FSAF1: variants seen among roughly 807,000 people sequenced by gnomAD.
The protein encoded by FSAF1 is uncharacterized protein C1orf131.
chr1:231,235,322 C>A, the FSAF1 span, among the ~76,000 whole-genome samples: 1 of 152,094 alleles, frequency 6.6e-6, no homozygotes, highest in East Asian at 1.9e-4. Context: ...CATGGTGAAA[C>A]CCCATCTCTA....
the FSAF1 span, chr1:231,238,697 A>G: frequency 6.3e-6 from 4 of 630,504 alleles, no homozygotes; most frequent in African/African-American, 1.8e-5. Flanking sequence ...TACATGACTG[A>G]TAAGGGCTAT....
chr1:231,233,271 C>G, the FSAF1 span, among the ~76,000 whole-genome samples: 2 of 152,246 alleles, frequency 1.3e-5, no homozygotes, highest in South Asian at 4.1e-4. Flanking sequence ...CTCACCTATG[C>G]TCTCTCTAGT....
chr1:231,238,181 CA>C, the FSAF1 span: 133 of 131,682 alleles, frequency 1.0e-3, no homozygotes, highest in Admixed American at 1.7e-3. Context: ...GACTCCGTCT[CA>C]AAAAAAAAAA....
chr1:231,234,375 A>G, the FSAF1 span, among the ~76,000 whole-genome samples: 25 of 152,220 alleles, frequency 1.6e-4, no homozygotes, highest in African/African-American at 5.8e-4. The surrounding 1 kb of genome is among the most constrained non-coding windows in gnomAD (Gnocchi z 4.0). Flanking sequence ...TGAGCAACAC[A>G]CAGGTGTGTT....
At chr1:231,231,966 T>G in the FSAF1 span, among the ~76,000 whole-genome samples, 1 of 152,160 alleles carries the variant, frequency 6.6e-6, no homozygotes, top group South Asian at 2.1e-4. Flanking sequence ...AGAAACATCT[T>G]AGTTTTGTAG....
At chr1:231,227,269 T>A in the FSAF1 span, among the ~76,000 whole-genome samples, 11 of 151,986 alleles carry the variant, frequency 7.2e-5, no homozygotes, top group African/African-American at 2.2e-4. Flanking sequence ...CTTTCTCCTG[T>A]TTTTTTTCCT....
the FSAF1 span, chr1:231,224,438 T>C: frequency 1.3e-6 from 2 of 1,588,802 alleles, no homozygotes; most frequent in Non-Finnish European, 1.7e-6. Context: ...AAGAGAAAGG[T>C]ACTATAAATA....
At chr1:231,240,341 A>T in the FSAF1 span, among the ~76,000 whole-genome samples, 5 of 152,234 alleles carry the variant, frequency 3.3e-5, 1 homozygote, top group African/African-American at 1.2e-4. This position sits in a 1 kb window ranked among gnomAD's most constrained non-coding sequence, Gnocchi z 4.1. Flanking sequence ...AAATTTAAGA[A>T]ATGTGTGTTG....
chr1:231,234,032 T>C, the FSAF1 span, among the ~76,000 whole-genome samples: 1 of 152,204 alleles, frequency 6.6e-6, no homozygotes, highest in Non-Finnish European at 1.5e-5. This position sits in a 1 kb window ranked among gnomAD's most constrained non-coding sequence, Gnocchi z 4.0. Flanking sequence ...CTTGTAAGTC[T>C]CAAGCTTCTC....
At chr1:231,233,469 T>G in the FSAF1 span, among the ~76,000 whole-genome samples, 4 of 152,150 alleles carry the variant, frequency 2.6e-5, no homozygotes, top group Non-Finnish European at 4.4e-5. Flanking sequence ...CCACTTCCAG[T>G]AGGGTCCAAG....
the FSAF1 span, chr1:231,236,790 T>C: frequency 6.6e-6 from 1 of 152,156 alleles, no homozygotes; most frequent in East Asian, 1.9e-4. Flanking sequence ...TCATGACACA[T>C]ACAGAAAATA....
the FSAF1 span, among the ~76,000 whole-genome samples, chr1:231,233,269 T>C: frequency 1.3e-5 from 2 of 152,216 alleles, no homozygotes; most frequent in African/African-American, 2.4e-5. Flanking sequence ...ACCTCACCTA[T>C]GCTCTCTCTA....
At chr1:231,227,023 CT>C in the FSAF1 span, 2 of 1,614,174 alleles carry the variant, frequency 1.2e-6, no homozygotes, top group Non-Finnish European at 1.7e-6. Flanking sequence ...CTCTCCTTTC[CT>C]TTTCCATAAC....
the FSAF1 span, chr1:231,238,983 T>G: frequency 1.2e-6 from 2 of 1,614,140 alleles, no homozygotes; most frequent in Non-Finnish European, 1.7e-6. Flanking sequence ...GGATCTCTGG[T>G]CCTGTGGGGG....
chr1:231,239,957 T>C, the FSAF1 span, among the ~76,000 whole-genome samples: 21 of 152,232 alleles, frequency 1.4e-4, no homozygotes, highest in Admixed American at 3.3e-4. Flanking sequence ...AGTCTTTTCC[T>C]CTAGATTTTA....
chr1:231,235,523 G>A, the FSAF1 span, among the ~76,000 whole-genome samples: 1 of 151,772 alleles, frequency 6.6e-6, no homozygotes, highest in Admixed American at 6.6e-5. Flanking sequence ...CATGATGGCT[G>A]GGCACAGTGG....
the FSAF1 span, among the ~76,000 whole-genome samples, chr1:231,233,346 T>C: frequency 6.6e-6 from 1 of 152,202 alleles, no homozygotes; most frequent in East Asian, 1.9e-4. Context: ...CTTTGGCACT[T>C]ACTTCAGCTC....
the FSAF1 span, among the ~76,000 whole-genome samples, chr1:231,232,646 C>A: frequency 1.2e-4 from 18 of 152,134 alleles, no homozygotes; most frequent in Non-Finnish European, 2.2e-4. Context: ...CTATCCCACA[C>A]AAGGGAGAGG....
At chr1:231,238,820 G>T in the FSAF1 span, 2 of 1,543,836 alleles carry the variant, frequency 1.3e-6, no homozygotes, top group Middle Eastern at 2.2e-4. Flanking sequence ...AATACCAGGG[G>T]GTTCACCACG....
Sources: allele counts gnomAD v4.1 joint callset (sites outside exome capture counted in the v4.1 genomes callset), GRCh38; gene constraint gnomAD v4.1.1; non-coding constraint Gnocchi (gnomAD v3.1); transcripts MANE v1.5; gene names NCBI Gene and HGNC (gene_info 2026-07-23, HGNC 2026-07-21).